Variants in RGL1 observed in about 807,000 individuals in gnomAD.
RGL1 encodes ral guanine nucleotide dissociation stimulator-like 1.
Under a neutral mutation model 95.2 loss-of-function variants are expected in RGL1, and 24 were observed. That is an observed-to-expected ratio of 0.25 (90% CI 0.18 to 0.35). The LOEUF (loss-of-function observed/expected upper bound fraction) is 0.35, where lower values mean the gene tolerates loss of function less well. RGL1 is among the 10% of genes least tolerant of loss of function. The pLI is 1.00. For synonymous variants in RGL1, 329 were observed against 344.9 expected, an observed-to-expected ratio of 0.95 and a Z score of 0.51; for missense variants, 715 against 936.3, an observed-to-expected ratio of 0.76 and a Z score of 3.08.
intron 1 of RGL1, among the ~76,000 whole-genome samples, chr1:183,656,553 A>C (rs1350011022): frequency 6.6e-6 from 1 of 152,216 alleles, no homozygotes; most frequent in Admixed American, 6.5e-5. Flanking sequence ...TAACAAATCC[A>C]GCTGTTTCTG....
At chr1:183,700,475 C>T (rs1422598314) in intron 1 of RGL1, among the ~76,000 whole-genome samples, 5 of 149,652 alleles carry the variant, frequency 3.3e-5, no homozygotes, top group Admixed American at 2.7e-4. Flanking sequence ...GATACATGTG[C>T]AGAATGTGCA....
rs948447026 is a variant in RGL1, at chr1:183,789,102, C to G, written c.133-17273C>G. Among the ~76,000 whole-genome samples, 5 of 152,340 alleles carry G rather than the reference C, an allele frequency of 3.3e-5. No homozygotes were observed. In the East Asian group the frequency reaches 9.6e-4, roughly 29 times the overall value. On this transcript the variant is annotated intron_variant, in intron 2 of 18. Transcript: ENST00000304685. ...GTAAGTGCTTTGTCTGTTTCTCCCT[C>G]TAATCCATTAGCACCATGAGGCAGG...
At position 183,767,567 on chromosome 1, in the gene RGL1, A is replaced by G. The variant is rs1469297566; in HGVS notation, c.132+25278A>G. On this transcript the variant is annotated intron_variant, in intron 2 of 18. Transcript: ENST00000304685. The stretch of plus-strand genomic sequence containing the variant: ...ACTTTAGTGCTAGTACTATCTATGC[A>G]GAATAGAAAATATAGTGTGAAACAA... 2.0e-5 allele frequency among the ~76,000 whole-genome samples: 3 copies of G among 152,216 alleles called. No individual in the cohort carries two copies. The East Asian group carries it at 5.8e-4, about 29-fold the overall frequency.
intron 1 of RGL1, among the ~76,000 whole-genome samples, chr1:183,699,607 C>A (rs971591609): frequency 6.6e-6 from 1 of 152,156 alleles, no homozygotes. Flanking sequence ...CTTCTATCCC[C>A]AGCTAGAGCC....
In RGL1 at chr1:183,902,326, A is replaced by G. The variant is rs1478628227; in HGVS notation, c.1318-242A>G. ...GGATCCTGATTTGTAATTATTTATC[A>G]TTACTATTTTAGTTGGTTTCAGACA... On this transcript the variant is annotated intron_variant, in intron 11 of 17. Transcript: ENST00000360851. Among the ~76,000 whole-genome samples the G allele has an allele frequency of 7.9e-5, 12 of 152,154 alleles. 1 individual carries two copies. The highest frequency in any genetic ancestry group is 1.5e-5 in the Non-Finnish European group (1 of 68,012).
intron 2 of RGL1, among the ~76,000 whole-genome samples, chr1:183,772,780 C>T (rs1010021378): frequency 7.3e-5 from 11 of 151,598 alleles, no homozygotes; most frequent in Non-Finnish European, 1.0e-4. Context: ...GAGGCCGAGG[C>T]GGGTGGATCA....
intron 8 of RGL1, among the ~76,000 whole-genome samples, chr1:183,891,743 T>G (rs1667432598): frequency 4.3e-5 from 2 of 46,066 alleles, no homozygotes; most frequent in African/African-American, 1.7e-4. Context: ...GTTTTTTTTT[T>G]TTTTTTTTTT....
intron 1 of RGL1, among the ~76,000 whole-genome samples, chr1:183,667,843 T>A (rs1385039175): frequency 3.3e-5 from 5 of 152,214 alleles, no homozygotes; most frequent in Admixed American, 6.5e-5. Context: ...TCAGTGATTG[T>A]CTTAGAGTTT....
At chr1:183,639,713 A>T (rs1291672848) in intron 1 of RGL1, among the ~76,000 whole-genome samples, 1 of 147,176 alleles carries the variant, frequency 6.8e-6, no homozygotes, top group Non-Finnish European at 1.5e-5. Flanking sequence ...AAAAAAAAAA[A>T]TCAGGGAAAA....
chr1:183,742,082 T>C (rs1020022016), intron 1 of RGL1: 1 of 1,520,284 alleles, frequency 6.6e-7, no homozygotes, highest in South Asian at 1.2e-5. Context: ...CTTTTAATGT[T>C]ACCCATTGTT....
At chr1:183,659,910 C>T (rs1651482238) in intron 1 of RGL1, among the ~76,000 whole-genome samples, 1 of 149,794 alleles carries the variant, frequency 6.7e-6, no homozygotes, top group African/African-American at 2.5e-5. Context: ...ATTCAACATT[C>T]TTAAAGAAAA....
intron 3 of RGL1, among the ~76,000 whole-genome samples, chr1:183,855,018 C>T (rs570991276): frequency 6.6e-6 from 1 of 152,226 alleles, no homozygotes; most frequent in Non-Finnish European, 1.5e-5. Flanking sequence ...GACTGTCTTT[C>T]CCACTCAGAG....
At chr1:183,780,961 C>T (rs1014810810) in intron 2 of RGL1, among the ~76,000 whole-genome samples, 4 of 152,166 alleles carry the variant, frequency 2.6e-5, no homozygotes, top group African/African-American at 9.7e-5. Flanking sequence ...GTTTATATTC[C>T]TCACACTTCA....
At chr1:183,817,425 CTTGTGTGAGTTCCTTT>C (rs936602081) in intron 2 of RGL1, among the ~76,000 whole-genome samples, 2 of 152,156 alleles carry the variant, frequency 1.3e-5, no homozygotes, top group African/African-American at 4.8e-5. Flanking sequence ...TTCCATTTCT[CTTGTGTGAGTTCCTTT>C]TTTTGTTCCT....
intron 4 of RGL1, among the ~76,000 whole-genome samples, chr1:183,870,280 TGTGTCTTCCGGCCAGGGTAG>T (rs1173823340): frequency 0.095 from 14,231 of 149,212 alleles, 1,017 homozygotes; most frequent in Non-Finnish European, 0.13. Context: ...TTCAGGGGTA[TGTGTCTTCCGGCCAGGGTAG>T]GTGTCTTCCG....
rs1166049426 is a variant in RGL1, at chr1:183,724,074, T to G, written c.-32-18052T>G. Among the ~76,000 whole-genome samples, 1 of 152,116 alleles carries G rather than the reference T, an allele frequency of 6.6e-6. No individual in the cohort carries two copies. Among genetic ancestry groups the G allele is most frequent in the Non-Finnish European group, 1.5e-5 (1 of 68,020 alleles). ...CACCCTGGGCCAGAAGCAAACTCAT[T>G]GCCTTGAAGGGAAGAGCCCAGTCCT... On this transcript the variant is annotated intron_variant, in intron 1 of 18. Transcript: ENST00000304685. This position sits in a 1 kb window ranked among gnomAD's most constrained non-coding sequence, Gnocchi z 4.1.
intron 1 of RGL1, among the ~76,000 whole-genome samples, chr1:183,704,700 G>T (rs1001949278): frequency 6.6e-6 from 1 of 152,258 alleles, no homozygotes; most frequent in Non-Finnish European, 1.5e-5. Context: ...GCATGGTGAT[G>T]TGGGGAGTTT....
intron 2 of RGL1, among the ~76,000 whole-genome samples, chr1:183,827,935 T>TC (rs1662987253): frequency 6.6e-6 from 1 of 152,218 alleles, no homozygotes. Flanking sequence ...AATATAATGG[T>TC]CACTCACAAC....
At chr1:183,862,463 C>T (rs535831347) in intron 3 of RGL1, among the ~76,000 whole-genome samples, 1 of 152,356 alleles carries the variant, frequency 6.6e-6, no homozygotes, top group African/African-American at 2.4e-5. Context: ...CCTTTTATCT[C>T]ACTTCTAAAA....
Sources: gnomAD v4.1 joint callset for allele counts (sites outside exome capture counted in the v4.1 genomes callset) on GRCh38, gnomAD v4.1.1 for gene constraint, Gnocchi (gnomAD v3.1) non-coding constraint, MANE v1.5 for transcripts, NCBI Gene and HGNC (gene_info 2026-07-23, HGNC 2026-07-21) for gene names.